SPIDR: variants seen among roughly 807,000 people sequenced by gnomAD.
SPIDR encodes scaffold protein involved in DNA repair.
Under a neutral mutation model 104.6 loss-of-function variants are expected in SPIDR, and 93 were observed. The observed-to-expected ratio is 0.89, with a 90% confidence interval of 0.75 to 1.06. SPIDR has a LOEUF of 1.06. SPIDR is among the 50% of genes least tolerant of loss of function. The pLI is 0.00. For missense variants in SPIDR, 1,154 were observed against 1,111.2 expected (o/e 1.04, Z -0.55); for synonymous variants, 431 against 416.9 (o/e 1.03, Z -0.41).
Position 47,729,060 on chromosome 8 carries a change from C to G in SPIDR, c.2550+13C>G, listed in dbSNP as rs1274179063. On this transcript the variant is annotated intron_variant, in intron 18 of 19. Coordinates refer to ENST00000297423, the MANE Select transcript of SPIDR (RefSeq NM_001080394.4). ...AGTGAAGGTCAAGGTAGGAGCCAGG[C>G]CAGAGCACGCACGCACTCCTAGCTC... The G allele has an allele frequency of 6.2e-7, 1 of 1,613,194 alleles. No individual in the cohort carries two copies. Among genetic ancestry groups the G allele is most frequent in the Non-Finnish European group, 8.5e-7 (1 of 1,179,846 alleles).
intron 10 of SPIDR, among the ~76,000 whole-genome samples, chr8:47,654,593 A>G (rs928843912): frequency 1.3e-5 from 2 of 152,176 alleles, no homozygotes; most frequent in African/African-American, 4.8e-5. Context: ...ATATAGATGC[A>G]CTCATATAAC....
chr8:47,263,385 T>C (rs1305253323), intron 1 of SPIDR, among the ~76,000 whole-genome samples: 9 of 152,204 alleles, frequency 5.9e-5, no homozygotes, highest in Admixed American at 3.9e-4. Context: ...TTTCTGCTGA[T>C]TGAAACCTTT....
At chr8:47,377,858 C>A (rs1488414084) in intron 5 of SPIDR, among the ~76,000 whole-genome samples, 1 of 152,206 alleles carries the variant, frequency 6.6e-6, no homozygotes, top group Non-Finnish European at 1.5e-5. Context: ...ATAAGAATCT[C>A]TAGTAGCATA....
intron 5 of SPIDR, 121 bp downstream of exon 5, chr8:47,294,151 AGGG>A: frequency 5.5e-6 from 7 of 1,278,862 alleles, no homozygotes; most frequent in Non-Finnish European, 7.4e-6. Flanking sequence ...TTTGACTCTT[AGGG>A]GATTCTTTTG....
At chr8:47,684,958 C>T (rs2077553363) in intron 11 of SPIDR, among the ~76,000 whole-genome samples, 1 of 152,170 alleles carries the variant, frequency 6.6e-6, no homozygotes, top group African/African-American at 2.4e-5. Flanking sequence ...GCCCATTACA[C>T]CTGTAATCCC....
intron 10 of SPIDR, among the ~76,000 whole-genome samples, chr8:47,613,374 T>G (rs1046463538): frequency 5.9e-5 from 9 of 152,236 alleles, no homozygotes; most frequent in African/African-American, 2.2e-4. Flanking sequence ...TATAGATATA[T>G]CACATCTTAT....
At chr8:47,633,572 A>AG (rs1174509373) in intron 10 of SPIDR, among the ~76,000 whole-genome samples, 2 of 151,292 alleles carry the variant, frequency 1.3e-5, no homozygotes, top group Non-Finnish European at 2.9e-5. Flanking sequence ...AAAAAAAAAA[A>AG]ACAAAAACCA....
In SPIDR at chr8:47,599,030, C is replaced by T. The variant is rs762278735; in HGVS notation, c.1378C>T (p.Pro460Ser). ...EAKQRIPTST[P>S]LRDSLLDVVE... ...AAAACAGCGCATCCCAACCAGCACT[C>T]CCCTGAGGGATTCTCTCCTGGATGT... The change falls in exon 10 of 20, where the codon CCC becomes TCC. Residue 460 changes from proline (P) to serine (S), a missense_variant. Physicochemically the swap from Pro to Ser is moderately conservative, Grantham distance 74. Transcript: ENST00000297423. 2.5e-6 allele frequency: 4 copies of T among 1,613,182 alleles called. No individual in the cohort carries two copies. The Admixed American group carries it at 5.0e-5, about 20-fold the overall frequency.
intron 11 of SPIDR, among the ~76,000 whole-genome samples, chr8:47,683,480 G>A (rs757443845): frequency 4.6e-5 from 7 of 152,206 alleles, no homozygotes; most frequent in Non-Finnish European, 8.8e-5. Flanking sequence ...GTGGGAAAGC[G>A]CTCAGAGTAA....
At chr8:47,414,872 A>T (rs2064015083) in intron 7 of SPIDR, among the ~76,000 whole-genome samples, 1 of 152,066 alleles carries the variant, frequency 6.6e-6, no homozygotes, top group Non-Finnish European at 1.5e-5. Flanking sequence ...AATGTCTCTA[A>T]CACATTATTC....
chr8:47,687,704 C>G (rs1028763424), intron 11 of SPIDR, among the ~76,000 whole-genome samples: 1 of 152,230 alleles, frequency 6.6e-6, no homozygotes, highest in Non-Finnish European at 1.5e-5. Context: ...TCCTAAAGAT[C>G]TTCACACTTC....
chr8:47,360,511 G>A (rs762904220), intron 5 of SPIDR, among the ~76,000 whole-genome samples: 20 of 152,166 alleles, frequency 1.3e-4, no homozygotes, highest in Non-Finnish European at 2.6e-4. Flanking sequence ...ATGACTGCCT[G>A]TGGACCAGGC....
rs551447820 is a variant in SPIDR at position 47,550,037 on chromosome 8, T to G, written c.1098-45774T>G. Reference sequence around the variant, plus strand: ...TTAAATAGGGAATCCTTTCCCCATTTCTTGTTTTTGTCAGATTTGTCAAAG... The same window carrying G: ...TTAAATAGGGAATCCTTTCCCCATTGCTTGTTTTTGTCAGATTTGTCAAAG... On this transcript the variant is annotated intron_variant, in intron 8 of 19. Transcript: ENST00000297423. Among the ~76,000 whole-genome samples, 18 of 152,336 alleles carry G rather than the reference T, an allele frequency of 1.2e-4. No individual in the cohort carries two copies. In the East Asian group the frequency reaches 2.5e-3, roughly 21 times the overall value.
intron 5 of SPIDR, among the ~76,000 whole-genome samples, chr8:47,342,411 A>G (rs569379437): frequency 1.6e-5 from 2 of 125,356 alleles, no homozygotes; most frequent in African/African-American, 3.1e-5. Flanking sequence ...GTCTTGGCCC[A>G]CTGCAGCCTC....
intron 8 of SPIDR, among the ~76,000 whole-genome samples, chr8:47,590,123 G>C (rs567096585): frequency 6.6e-6 from 1 of 150,734 alleles, no homozygotes; most frequent in Admixed American, 6.6e-5. Flanking sequence ...GCAGTGAACC[G>C]AGATCGTGCC....
At chr8:47,291,469 T>C (rs2154238063) in intron 4 of SPIDR, among the ~76,000 whole-genome samples, 1 of 152,284 alleles carries the variant, frequency 6.6e-6, no homozygotes, top group Non-Finnish European at 1.5e-5. Flanking sequence ...AACATGCAAT[T>C]ACCATATAGC....
chr8:47,727,116 T>G, intron 16 of SPIDR, 84 bp from the exon 17 acceptor site: 21 of 1,129,158 alleles, frequency 1.9e-5, no homozygotes, highest in Non-Finnish European at 2.8e-5. Context: ...AGGCCCCTCA[T>G]GTTGTCCTCT....
intron 8 of SPIDR, among the ~76,000 whole-genome samples, chr8:47,504,801 C>G (rs1201762213): frequency 1.3e-5 from 2 of 152,138 alleles, no homozygotes; most frequent in Non-Finnish European, 1.5e-5. Context: ...TAGTGACGTA[C>G]AGATGGGGTT....
At chr8:47,530,502 T>A (rs1028651335) in intron 8 of SPIDR, among the ~76,000 whole-genome samples, 7 of 151,906 alleles carry the variant, frequency 4.6e-5, no homozygotes, top group Non-Finnish European at 8.8e-5. Flanking sequence ...TATCTAAACA[T>A]AGAAAACGTA....
Sources: allele counts gnomAD v4.1 joint callset (sites outside exome capture counted in the v4.1 genomes callset), GRCh38; gene constraint gnomAD v4.1.1; transcripts MANE v1.5; gene names NCBI Gene and HGNC (gene_info 2026-07-23, HGNC 2026-07-21).